The following GPR89B variants were observed in gnomAD, a reference collection of about 807,000 sequenced individuals.
GPR89B encodes the protein G protein-coupled receptor 89B.
A neutral mutation model predicts 52.4 loss-of-function variants in GPR89B; 25 were observed. That is an observed-to-expected ratio of 0.48 (90% CI 0.35 to 0.67). GPR89B has a LOEUF of 0.67. Ranked by LOEUF, GPR89B falls within the 30% of genes least tolerant of loss-of-function variation. GPR89B has a pLI of 0.01. For missense variants in GPR89B, 146 were observed against 450.2 expected, an observed-to-expected ratio of 0.32 and a Z score of 6.11; for synonymous variants, 52 against 151.2, an observed-to-expected ratio of 0.34 and a Z score of 4.81.
At chr1:147,946,236 C>T (rs1408044318) in intron 5 of GPR89B, among the ~76,000 whole-genome samples, 3 of 152,138 alleles carry the variant, frequency 2.0e-5, no homozygotes, top group Non-Finnish European at 4.4e-5. Flanking sequence ...TTTCTAACTT[C>T]CTCATCAACC....
At chr1:147,981,904 G>C (rs1392526807) in intron 10 of GPR89B, among the ~76,000 whole-genome samples, 1 of 151,660 alleles carries the variant, frequency 6.6e-6, no homozygotes, top group African/African-American at 2.4e-5. Context: ...CACCAGCCTC[G>C]GCCTCCCAAA....
In GPR89B at chr1:147,986,238, G is replaced by T. The variant is rs1658659568; in HGVS notation, c.949G>T (p.Asp317Tyr). The T allele has an allele frequency of 1.2e-6, 2 of 1,611,250 alleles. No individual in the cohort carries two copies. The highest frequency in any genetic ancestry group is 1.3e-5 in the African/African-American group (1 of 74,742). ...NIVFDRVGKT[D>Y]PVTRGIEITV... is the part of the protein sequence containing the mutation. ...TGTTTTTGATCGAGTTGGGAAAACG[G>T]ATCCTGTCACAAGAGGCATTGAGAT... Residue 317 changes from aspartate (D) to tyrosine (Y), a missense_variant, in exon 11 of 14, where the codon GAT becomes TAT. Coordinates refer to ENST00000314163, the MANE Select transcript of GPR89B (RefSeq NM_016334.5).
At chr1:147,956,391 A>G (rs1238099268) in intron 7 of GPR89B, among the ~76,000 whole-genome samples, 1 of 152,284 alleles carries the variant, frequency 6.6e-6, no homozygotes, top group African/African-American at 2.4e-5. Flanking sequence ...TTGTGGTTCC[A>G]TATGTATTTT....
chr1:147,961,040 G>GCCCA (rs1343826696), intron 7 of GPR89B, among the ~76,000 whole-genome samples: 1 of 144,830 alleles, frequency 6.9e-6, no homozygotes, highest in Admixed American at 6.9e-5. Flanking sequence ...AATTAGCTGG[G>GCCCA]CGTGGTGGTG....
intron 1 of GPR89B, among the ~76,000 whole-genome samples, chr1:147,935,861 G>A (rs1654039933): frequency 1.3e-5 from 2 of 151,954 alleles, no homozygotes; most frequent in African/African-American, 2.4e-5. Flanking sequence ...CAGCCTCCCA[G>A]GTGGCTGGGA....
intron 7 of GPR89B, among the ~76,000 whole-genome samples, chr1:147,964,013 C>A (rs1399430199): frequency 6.6e-6 from 1 of 151,768 alleles, no homozygotes; most frequent in Non-Finnish European, 1.5e-5. Flanking sequence ...TTCGTGGTTG[C>A]CGGAATTAAG....
intron 1 of GPR89B, among the ~76,000 whole-genome samples, chr1:147,932,585 C>G (rs587734853): frequency 1.3e-5 from 2 of 152,174 alleles, no homozygotes; most frequent in African/African-American, 4.8e-5. Context: ...ACTCACCTCT[C>G]TTACTCTTAG....
At chr1:147,928,722 G>A (rs1171952471) in intron 1 of GPR89B, 144 bp downstream of exon 1, 7 of 1,302,338 alleles carry the variant, frequency 5.4e-6, no homozygotes, top group Non-Finnish European at 7.6e-6. Flanking sequence ...CAGAGAGGGT[G>A]TGCGATTTGC....
intron 10 of GPR89B, among the ~76,000 whole-genome samples, chr1:147,983,689 G>C (rs1207171332): frequency 2.6e-5 from 4 of 151,960 alleles, no homozygotes; most frequent in African/African-American, 9.6e-5. Context: ...AGGTGCTGGA[G>C]AGGATGTGGA....
At chr1:148,005,608 A>G in the GPR89B span, 5 of 1,163,808 alleles carry the variant, frequency 4.3e-6, no homozygotes, top group Non-Finnish European at 6.2e-6. Context: ...CAGTCCTGTG[A>G]TTGCCTCCCG....
chr1:148,011,836 G>C, the GPR89B span: 2 of 152,188 alleles, frequency 1.3e-5, no homozygotes, highest in African/African-American at 4.8e-5. Context: ...ACAAACTCCA[G>C]AATTTGGGAA....
chr1:148,010,561 G>T, the GPR89B span: 2 of 152,446 alleles, frequency 1.3e-5, no homozygotes, highest in East Asian at 3.8e-4. Flanking sequence ...TCATCCCACA[G>T]ATCTTCCAGG....
rs1261340539 is a variant in GPR89B at position 147,965,822 on chromosome 1, T to A, written c.618-732T>A. Among the ~76,000 whole-genome samples, 72 of 152,192 alleles carry A rather than the reference T, an allele frequency of 4.7e-4. 1 individual carries two copies. The highest frequency in any genetic ancestry group is 1.6e-3 in the African/African-American group (67 of 41,456). Reference sequence around the variant, plus strand: ...CTGTATTTGGTCCTTTAGTTAGGTATGTTAGCTGTTTTTTTTTGTTTGTTT... The same window carrying A: ...CTGTATTTGGTCCTTTAGTTAGGTAAGTTAGCTGTTTTTTTTTGTTTGTTT... On this transcript the variant is annotated intron_variant, in intron 7 of 13. Coordinates refer to ENST00000314163, the MANE Select transcript of GPR89B (RefSeq NM_016334.5).
At chr1:148,004,324 T>C in the GPR89B span, among the ~76,000 whole-genome samples, 4 of 125,768 alleles carry the variant, frequency 3.2e-5, no homozygotes, top group Admixed American at 7.7e-5. Flanking sequence ...ACCTGGCTAA[T>C]TTTTTTTTTT....
the GPR89B span, among the ~76,000 whole-genome samples, chr1:148,017,184 G>C: frequency 2.0e-5 from 3 of 151,580 alleles, no homozygotes; most frequent in Non-Finnish European, 4.4e-5. Flanking sequence ...TGGGACTACA[G>C]GTGCGTGCCA....
intron 7 of GPR89B, among the ~76,000 whole-genome samples, chr1:147,956,741 AT>A (rs1217901037): frequency 0.048 from 6,862 of 144,398 alleles, 226 homozygotes; most frequent in African/African-American, 0.076. Flanking sequence ...GTCTATTGTG[AT>A]TTTTTTTTTT....
chr1:148,018,338 G>T, the GPR89B span, among the ~76,000 whole-genome samples: 90 of 145,018 alleles, frequency 6.2e-4, 2 homozygotes, highest in African/African-American at 2.3e-3. Context: ...AGAATGGCAT[G>T]AACCTGGGAG....
chr1:147,943,608 G>A (rs1654730865), intron 4 of GPR89B, 64 bp downstream of exon 4: 5 of 1,561,096 alleles, frequency 3.2e-6, no homozygotes, highest in Non-Finnish European at 4.3e-6. Flanking sequence ...GACTTAAATT[G>A]TGGATAGCTT....
chr1:147,991,140 G>T (rs1456122250), intron 12 of GPR89B, among the ~76,000 whole-genome samples: 15 of 150,938 alleles, frequency 9.9e-5, no homozygotes, highest in African/African-American at 3.7e-4. Context: ...GTGGTTTGTA[G>T]TTCTCCTTGA....
Sources: allele counts gnomAD v4.1 joint callset (sites outside exome capture counted in the v4.1 genomes callset), GRCh38; gene constraint gnomAD v4.1.1; transcripts MANE v1.5; gene names NCBI Gene and HGNC (gene_info 2026-07-23, HGNC 2026-07-21).